BCAT2: variants seen among roughly 807,000 people sequenced by gnomAD.
BCAT2 encodes branched-chain-amino-acid aminotransferase, mitochondrial.
BCAT2 carries 44 observed loss-of-function variants against 52.9 expected under a neutral mutation model. The ratio of observed to expected loss-of-function variants is 0.83; its 90% CI spans 0.65 to 1.07. The LOEUF (loss-of-function observed/expected upper bound fraction) is 1.07. Among genes scored for constraint, BCAT2 ranks in the 50% least tolerant of loss-of-function variants. The pLI is 0.00. For missense variants in BCAT2, 478 were observed against 521.8 expected (o/e 0.92, Z 0.82); for synonymous variants, 215 against 217.1 (o/e 0.99, Z 0.08).
intron 3 of BCAT2, among the ~76,000 whole-genome samples, chr19:48,800,609 G>A (rs2034637785): frequency 6.6e-6 from 1 of 152,132 alleles, no homozygotes; most frequent in Non-Finnish European, 1.5e-5. Context: ...GTAGGAGTTC[G>A]TGACCAGCCC....
At chr19:48,805,604 C>T (rs184892177) in intron 3 of BCAT2, among the ~76,000 whole-genome samples, 6 of 151,896 alleles carry the variant, frequency 4.0e-5, no homozygotes, top group South Asian at 2.1e-4. Flanking sequence ...CATCCCCCAC[C>T]GACTGTCCCC....
intron 1 of BCAT2, among the ~76,000 whole-genome samples, chr19:48,809,767 TA>T (rs758453503): frequency 0.082 from 11,939 of 145,146 alleles, 561 homozygotes; most frequent in African/African-American, 0.13. Flanking sequence ...GGTCTGAAAT[TA>T]AAAAAAAAAA....
At chr19:48,803,748 C>T (rs1475951361) in intron 3 of BCAT2, among the ~76,000 whole-genome samples, 3 of 152,166 alleles carry the variant, frequency 2.0e-5, no homozygotes, top group Non-Finnish European at 2.9e-5. Flanking sequence ...TAATGGTTGT[C>T]ATGGGCTGGG....
rs1413225501 is a variant in BCAT2, at chr19:48,796,566, G to C, written c.1065+12C>G. On this transcript the variant is annotated intron_variant, in intron 9 of 10. Coordinates refer to ENST00000316273, the MANE Select transcript of BCAT2 (RefSeq NM_001190.4). The stretch of plus-strand genomic sequence containing the variant: ...TCCTTCCCTCCCACCCACAATGGCA[G>C]CCCCGCCTCACCCTGTCTTTGTACA... The C allele has an allele frequency of 6.2e-7, 1 of 1,611,148 alleles. No homozygotes were observed. Among genetic ancestry groups the C allele is most frequent in the African/African-American group, 1.3e-5 (1 of 75,032 alleles).
intron 3 of BCAT2, among the ~76,000 whole-genome samples, chr19:48,806,306 C>T (rs547813857): frequency 3.9e-4 from 59 of 151,492 alleles, no homozygotes; most frequent in Non-Finnish European, 7.2e-4. Flanking sequence ...ATGGGGTTTT[C>T]CAAGTGAAGG....
intron 3 of BCAT2, among the ~76,000 whole-genome samples, chr19:48,805,347 T>C (rs952935091): frequency 4.4e-4 from 67 of 152,240 alleles, no homozygotes; most frequent in African/African-American, 1.6e-3. Context: ...CCCGGCTTCC[T>C]AGCCTGCAAC....
rs766907460 is a variant in BCAT2 at position 48,799,868 on chromosome 19, G to C, written c.532-30C>G. 6.3e-7 allele frequency: 1 copy of C among 1,575,156 alleles called. No individual in the cohort carries two copies. The highest frequency in any genetic ancestry group is 8.6e-7 in the Non-Finnish European group (1 of 1,161,156). ...GACGGGCAAAGGGACAGCGTCAGGA[G>C]TCCAGGCCCCCAGTCCCTTCCCGTC... On this transcript the variant is annotated intron_variant, in intron 5 of 10. Transcript: ENST00000316273. The surrounding 1 kb of genome is among the most constrained non-coding windows in gnomAD (Gnocchi z 5.5).
At chr19:48,805,620 C>T (rs541447572) in intron 3 of BCAT2, among the ~76,000 whole-genome samples, 16 of 151,672 alleles carry the variant, frequency 1.1e-4, no homozygotes, top group African/African-American at 2.7e-4. Flanking sequence ...TCCCCCTTCC[C>T]GCCATCTCCA....
intron 2 of BCAT2, 21 bp downstream of exon 2, chr19:48,806,979 C>G (rs1485430959): frequency 3.7e-6 from 6 of 1,610,856 alleles, no homozygotes; most frequent in Non-Finnish European, 5.1e-6. Context: ...CAGAGCCAAG[C>G]ATCGAGTTCC....
chr19:48,800,780 G>T (rs768237336), intron 3 of BCAT2, among the ~76,000 whole-genome samples: 3 of 151,972 alleles, frequency 2.0e-5, no homozygotes, highest in Non-Finnish European at 2.9e-5. Flanking sequence ...CTGCACTCCA[G>T]CCTGGGACCT....
In BCAT2 at chr19:48,799,143, G is replaced by A. The variant is rs547262584; in HGVS notation, c.695+532C>T. 5.9e-5 allele frequency: 9 copies of A among 152,766 alleles called. No individual in the cohort carries two copies. Among genetic ancestry groups the A allele is most frequent in the African/African-American group, 1.9e-4 (8 of 41,608 alleles). The allele number at this position is 152,766 out of a possible 1,614,324, so 9.5% of individuals were successfully genotyped here. On this transcript the variant is annotated intron_variant, in intron 6 of 10. Transcript: ENST00000316273. This position sits in a 1 kb window ranked among gnomAD's most constrained non-coding sequence, Gnocchi z 5.5. ...GGACCTGAATGCACCCCCAGCTGGG[G>A]CCACATTCCTGTCCCAACACGCCAG...
chr19:48,799,882 T>A lies in BCAT2; in HGVS notation c.532-44A>T, dbSNP rs373806842. On this transcript the variant is annotated intron_variant, in intron 5 of 10. Coordinates refer to ENST00000316273, the MANE Select transcript of BCAT2 (RefSeq NM_001190.4). The surrounding 1 kb of genome is among the most constrained non-coding windows in gnomAD (Gnocchi z 5.5). ...CAGCGTCAGGAGTCCAGGCCCCCAG[T>A]CCCTTCCCGTCCCCAGGCCCAGGCC... The A allele has an allele frequency of 8.3e-5, 131 of 1,581,386 alleles. No individual in the cohort carries two copies. The African/African-American group carries it at 1.6e-3, about 19-fold the overall frequency.
intron 8 of BCAT2, 97 bp downstream of exon 8, chr19:48,796,837 GAGA>G: frequency 6.3e-7 from 1 of 1,592,078 alleles, no homozygotes; most frequent in South Asian, 1.1e-5. Context: ...ACAGACCCAG[GAGA>G]AGGGGCAGAG....
At chr19:48,795,505 C>T in intron 10 of BCAT2, 41 bp from the exon 11 acceptor site, 1 of 1,610,546 alleles carries the variant, frequency 6.2e-7, no homozygotes, top group Non-Finnish European at 8.5e-7. Flanking sequence ...GGAAGCTGCA[C>T]TACAACTCCC....
In BCAT2 at chr19:48,795,452, C is replaced by T; in HGVS notation, c.1153G>A (p.Ala385Thr). The change falls in exon 11 of 11, where the codon GCC (alanine) becomes ACC (threonine). Residue 385 changes from alanine to threonine, a missense_variant. Ala to Thr is a moderately conservative substitution (Grantham distance 58). Coordinates refer to ENST00000316273, the MANE Select transcript of BCAT2 (RefSeq NM_001190.4). ...ELKEIQYGIR[A>T]HEWMFPV is the part of the protein sequence containing the mutation. The stretch of plus-strand genomic sequence containing the variant: ...CACACCGGGAACATCCACTCGTGGG[C>T]TCTGATTCCGTACTGCGGAACAACG... 2 of 1,613,978 alleles carry T rather than the reference C, an allele frequency of 1.2e-6. No individual in the cohort carries two copies. Among genetic ancestry groups the T allele is most frequent in the Non-Finnish European group, 8.5e-7 (1 of 1,179,970 alleles).
chr19:48,810,859 C>A, intron 1 of BCAT2, 125 bp downstream of exon 1: 1 of 1,524,602 alleles, frequency 6.6e-7, no homozygotes, highest in South Asian at 1.2e-5. Flanking sequence ...TCCTCCGCGC[C>A]CTGCAGCGGA....
chr19:48,808,202 C>A, intron 1 of BCAT2: 2 of 986,232 alleles, frequency 2.0e-6, no homozygotes, highest in Non-Finnish European at 2.4e-6. Context: ...CTTTGGGTGG[C>A]GACATCTAGA....
chr19:48,797,529 T>C, intron 6 of BCAT2, 196 bp from the exon 7 acceptor site: 1 of 622,632 alleles, frequency 1.6e-6, no homozygotes, highest in Non-Finnish European at 2.8e-6. Context: ...CTCTCTCCTG[T>C]CTCTTCCCAC....
intron 1 of BCAT2, 23 bp downstream of exon 1, chr19:48,810,961 C>T: frequency 1.9e-6 from 3 of 1,606,944 alleles, no homozygotes; most frequent in Non-Finnish European, 2.5e-6. Flanking sequence ...TTCCCAGACC[C>T]CGGCGCGGGG....
Sources: gnomAD v4.1 joint callset for allele counts (sites outside exome capture counted in the v4.1 genomes callset) on GRCh38, gnomAD v4.1.1 for gene constraint, Gnocchi (gnomAD v3.1) non-coding constraint, MANE v1.5 for transcripts, NCBI Gene and HGNC (gene_info 2026-07-23, HGNC 2026-07-21) for gene names.